STAB1: variants seen among roughly 807,000 people sequenced by gnomAD.
STAB1 encodes the protein stabilin 1.
Under a neutral mutation model 332.4 loss-of-function variants are expected in STAB1, and 250 were observed. The observed-to-expected ratio is 0.75, with a 90% CI of 0.68 to 0.84. STAB1 has a LOEUF of 0.84. Ranked by LOEUF, STAB1 falls within the 40% of genes least tolerant of loss-of-function variation. The probability of loss-of-function intolerance (pLI) is 0.00; values close to 1 mark genes in which losing one functional copy is unlikely to be tolerated. For synonymous variants in STAB1, 1,475 were observed against 1,390.4 expected (o/e 1.06, Z -1.35); for missense variants, 3,249 against 3,489.7 (o/e 0.93, Z 1.74).
At position 52,504,768 on chromosome 3, in the gene STAB1, G is replaced by T; in HGVS notation, c.1269G>T (p.Gln423His). 1 of 1,613,882 alleles carries T rather than the reference G, an allele frequency of 6.2e-7. No individual in the cohort carries two copies. The highest frequency in any genetic ancestry group is 8.5e-7 in the Non-Finnish European group (1 of 1,180,034). ...NASLAQQLCRQHIIAGQHILE... is the reference protein window; with the variant it reads ...NASLAQQLCRHHIIAGQHILE... ...CCCTTGCCCAGCAGCTCTGTAGACA[G>T]CACATCATCGCAGGGCAGCACATCC... is the stretch of plus-strand genomic sequence containing the variant. Residue 423 changes from glutamine (Q) to histidine (H), a missense_variant, in exon 12 of 69, where the codon CAG becomes CAT. Physicochemically the swap from Gln to His is conservative, Grantham distance 24 (BLOSUM62 0). Coordinates refer to ENST00000321725, the MANE Select transcript of STAB1 (RefSeq NM_015136.3).
rs757121260 is a variant in STAB1 at position 52,518,787 on chromosome 3, G to A, written c.4952G>A (p.Arg1651Gln). The A allele has an allele frequency of 6.2e-7, 1 of 1,612,184 alleles. No homozygotes were observed. Among genetic ancestry groups the A allele is most frequent in the Non-Finnish European group, 8.5e-7 (1 of 1,179,770 alleles). The change falls in exon 48 of 69, where the codon CGG becomes CAG. Residue 1651 changes from arginine (R) to glutamine (Q), a missense_variant. Physicochemically the swap from Arg to Gln is conservative, Grantham distance 43. Coordinates refer to ENST00000321725, the MANE Select transcript of STAB1 (RefSeq NM_015136.3). Reference protein sequence around the residue: ...LVFRYHVVGCRRLRSEDLLEQ... With the variant: ...LVFRYHVVGCQRLRSEDLLEQ... ...TTTCGCTACCACGTGGTTGGCTGTC[G>A]GCGGCTGCGGAGCGAGGACCTGCTG...
intron 37 of STAB1, 96 bp from the exon 38 acceptor site, chr3:52,515,947 C>A: frequency 7.2e-7 from 1 of 1,385,180 alleles, no homozygotes; most frequent in Non-Finnish European, 9.6e-7. Context: ...AGGGGTTTTG[C>A]TCCATGGCTC....
In STAB1 at chr3:52,510,052, G is replaced by A. The variant is rs760038284; in HGVS notation, c.2530G>A (p.Ala844Thr). The A allele has an allele frequency of 1.1e-5, 18 of 1,610,030 alleles. No homozygotes were observed. Among genetic ancestry groups the A allele is most frequent in the Non-Finnish European group, 1.5e-5 (18 of 1,177,792 alleles). ...CCGCTGTGTTAGCCAGGAGGGTGTTGCCAGGTGAGGACCCACACCTTCTGT... is the reference window on the plus strand; with the variant it reads ...CCGCTGTGTTAGCCAGGAGGGTGTTACCAGGTGAGGACCCACACCTTCTGT... ...HARCVSQEGV[A>T]RCRCLDGFEG... The change falls in exon 23 of 69, where the codon GCC (alanine) becomes ACC (threonine). Residue 844 changes from alanine (A) to threonine (T), a missense_variant. Physicochemically the swap from Ala to Thr is moderately conservative, Grantham distance 58 (BLOSUM62 0). Transcript: ENST00000321725.
Position 52,505,757 on chromosome 3 carries a change from C to G in STAB1, c.1671C>G (p.Gly557=), listed in dbSNP as rs765187608. 9 of 1,613,750 alleles carry G rather than the reference C, an allele frequency of 5.6e-6. No homozygotes were observed. In the African/African-American group the frequency reaches 1.2e-4, roughly 22 times the overall value. Residue 557 remains glycine, a synonymous_variant, in exon 15 of 69, where the codon GGC becomes GGG. Transcript: ENST00000321725. The part of the protein sequence containing the change: ...SNEAVDSLRD[G]RLIYLFTAGL... ...AGGCTGTGGACAGCTTGCGTGACGG[C>G]CGCCTGATCTACCTCTTCACAGCGG...
intron 26 of STAB1, 105 bp from the exon 27 acceptor site, chr3:52,512,236 G>A (rs774394686): frequency 4.6e-6 from 5 of 1,079,456 alleles, no homozygotes; most frequent in Non-Finnish European, 7.0e-6. Flanking sequence ...CAGAGCAAGG[G>A]GCAGGGGCTG....
At chr3:52,514,291 C>G in intron 33 of STAB1, 74 bp from the exon 34 acceptor site, 1 of 1,593,550 alleles carries the variant, frequency 6.3e-7, no homozygotes, top group Non-Finnish European at 8.6e-7. Flanking sequence ...CACGAAGGGA[C>G]ACAGTGGGTG....
chr3:52,513,000 G>A, intron 29 of STAB1, 42 bp downstream of exon 29: 1 of 1,596,670 alleles, frequency 6.3e-7, no homozygotes, highest in Non-Finnish European at 8.5e-7. Context: ...GCTTCCTTGA[G>A]GGACCCAGTC....
chr3:52,509,061 G>T, intron 21 of STAB1, 149 bp from the exon 22 acceptor site: 1 of 679,164 alleles, frequency 1.5e-6, no homozygotes, highest in Non-Finnish European at 2.4e-6. Context: ...GGTCTTTGGC[G>T]GCATCAGTGA....
chr3:52,523,729 C>T lies in STAB1; in HGVS notation c.7368C>T (p.Ala2456=), dbSNP rs201683395. 6 of 1,600,474 alleles carry T rather than the reference C, an allele frequency of 3.7e-6. No individual in the cohort carries two copies. Among genetic ancestry groups the T allele is most frequent in the African/African-American group, 1.3e-5 (1 of 74,822 alleles). ...MAFNGIIHAL[A]SPLLAPPQPQ... Reference sequence around the variant, plus strand: ...TCAATGGCATCATCCATGCTCTGGCCAGCCCCCTCCTGGCACCCCCACAGC... The same window carrying T: ...TCAATGGCATCATCCATGCTCTGGCTAGCCCCCTCCTGGCACCCCCACAGC... The change falls in exon 66 of 69, where the codon GCC becomes GCT. Residue 2456 remains alanine, a synonymous_variant. Coordinates refer to ENST00000321725, the MANE Select transcript of STAB1 (RefSeq NM_015136.3).
chr3:52,515,704 C>T (rs1017615077), intron 37 of STAB1, among the ~76,000 whole-genome samples, 198 bp downstream of exon 37: 3 of 152,118 alleles, frequency 2.0e-5, no homozygotes, highest in African/African-American at 7.2e-5. Flanking sequence ...TCCACTCCCC[C>T]AGGGAGAGGG....
At chr3:52,521,983 AG>A in intron 58 of STAB1, 32 bp downstream of exon 58, 2 of 1,606,418 alleles carry the variant, frequency 1.2e-6, no homozygotes, top group Non-Finnish European at 1.7e-6. Flanking sequence ...TGGAGGTGGG[AG>A]GCCCCCACTC....
rs757437362 is a variant in STAB1, at chr3:52,517,570, G to A, written c.4584G>A (p.Glu1528=). ...GPQQVSCSCR[E]GYSGDGIRTC... ...GACAGGTCTCCTGCAGCTGCCGTGA[G>A]GGTTACAGCGGGGATGGCATCCGGA... The change falls in exon 44 of 69, where the codon GAG becomes GAA. Residue 1528 remains glutamate, a synonymous_variant. Transcript: ENST00000321725. 11 of 1,612,802 alleles carry A rather than the reference G, an allele frequency of 6.8e-6. 1 individual carries two copies. The highest frequency in any genetic ancestry group is 3.3e-5 in the South Asian group (3 of 91,078).
At position 52,503,980 on chromosome 3, in the gene STAB1, G is replaced by C. The variant is rs766750913; in HGVS notation, c.1023-48G>C. ...TGCGGGAAGGCGTGGGGGGTGCGGT[G>C]GGGGGGGCCTCAGCCTCCGCCCTGA... is the stretch of plus-strand genomic sequence containing the variant. On this transcript the variant is annotated intron_variant, in intron 9 of 68. Coordinates refer to ENST00000321725, the MANE Select transcript of STAB1 (RefSeq NM_015136.3). The C allele has an allele frequency of 3.2e-6, 5 of 1,577,550 alleles. No homozygotes were observed. The Admixed American group carries it at 6.8e-5, about 21-fold the overall frequency.
rs2078852389 is a variant in STAB1, at chr3:52,516,099, T to C, written c.4005T>C (p.Gly1335=). Residue 1335 remains glycine (G), a synonymous_variant, in exon 38 of 69, where the codon GGT becomes GGC. Coordinates refer to ENST00000321725, the MANE Select transcript of STAB1 (RefSeq NM_015136.3). ...CGCTGTGTGAGCCATGCCCAGGGGG[T>C]CTAGGGGGGGTGTGCTCAGGCCATG... is the stretch of plus-strand genomic sequence containing the variant. ...FGTLCEPCPG[G]LGGVCSGHGQ... is the part of the protein sequence containing the mutation. 2 of 1,610,750 alleles carry C rather than the reference T, an allele frequency of 1.2e-6. No individual in the cohort carries two copies. Among genetic ancestry groups the C allele is most frequent in the Non-Finnish European group, 1.7e-6 (2 of 1,179,264 alleles).
intron 1 of STAB1, among the ~76,000 whole-genome samples, chr3:52,497,279 C>T (rs372732668): frequency 1.3e-4 from 20 of 152,050 alleles, no homozygotes; most frequent in African/African-American, 4.4e-4. Flanking sequence ...TGTGAGCCAC[C>T]GTGCCCAACC....
intron 18 of STAB1, 105 bp downstream of exon 18, chr3:52,506,955 G>T (rs1482791576): frequency 6.7e-6 from 10 of 1,487,380 alleles, no homozygotes; most frequent in South Asian, 1.3e-5. Flanking sequence ...CTGGGCTGAC[G>T]CCGGCTCTGA....
chr3:52,504,296 A>AG, intron 10 of STAB1, 141 bp downstream of exon 10: 1 of 1,436,616 alleles, frequency 7.0e-7, no homozygotes. Flanking sequence ...GGGTGCATGC[A>AG]GGGGGTGGGA....
In STAB1 at chr3:52,505,951, T is replaced by A. The variant is rs1708827078; in HGVS notation, c.1749+15T>A. On this transcript the variant is annotated intron_variant, in intron 16 of 68. Coordinates refer to ENST00000321725, the MANE Select transcript of STAB1 (RefSeq NM_015136.3). The stretch of plus-strand genomic sequence containing the variant: ...ACCACGGCCAGGTGCGAGGTCTTTT[T>A]CTGGGGGGCGGCCAGCTTGTACCCG... 3.7e-6 allele frequency: 6 copies of A among 1,613,126 alleles called. No homozygotes were observed. In the South Asian group the frequency reaches 5.5e-5, roughly 15 times the overall value.
rs769107417 is a variant in STAB1, at chr3:52,520,771, C to A, written c.5707-33C>A. ...AGCCCAAGGACCACCAAACTCAGAA[C>A]CACCCAACTGCGGCCTGACTCCTTT... On this transcript the variant is annotated intron_variant, in intron 54 of 68. Coordinates refer to ENST00000321725, the MANE Select transcript of STAB1 (RefSeq NM_015136.3). 4 of 1,612,604 alleles carry A rather than the reference C, an allele frequency of 2.5e-6. No homozygotes were observed. The African/African-American group carries it at 4.0e-5, about 16-fold the overall frequency.
Sources: gnomAD v4.1 joint callset for allele counts (sites outside exome capture counted in the v4.1 genomes callset) on GRCh38, gnomAD v4.1.1 for gene constraint, MANE v1.5 for transcripts, NCBI Gene and HGNC (gene_info 2026-07-23, HGNC 2026-07-21) for gene names.